The following OR51C1 variants were observed in gnomAD, a reference collection of about 807,000 sequenced individuals.
OR51C1 encodes the protein olfactory receptor family 51 subfamily C member 1.
At chr11:4,692,346 C>G in the OR51C1 span, among the ~76,000 whole-genome samples, 4 of 152,236 alleles carry the variant, frequency 2.6e-5, no homozygotes, top group Non-Finnish European at 5.9e-5. Flanking sequence ...GGTTAGAACA[C>G]AGACCTCCCA....
the OR51C1 span, chr11:4,690,738 A>C: frequency 5.2e-6 from 2 of 381,940 alleles, no homozygotes; most frequent in Non-Finnish European, 1.0e-5. Flanking sequence ...GGGTCCATCT[A>C]GTGCTAGAAT....
the OR51C1 span, chr11:4,691,558 A>G: frequency 3.3e-5 from 15 of 456,926 alleles, no homozygotes; most frequent in Non-Finnish European, 5.3e-5. Flanking sequence ...ATGGTAGCGA[A>G]GAGGATCAGG....
At chr11:4,693,137 G>A in the OR51C1 span, among the ~76,000 whole-genome samples, 1 of 152,160 alleles carries the variant, frequency 6.6e-6, no homozygotes, top group African/African-American at 2.4e-5. Flanking sequence ...ATAAATATTT[G>A]AGGTGATGGA....
chr11:4,696,295 C>T, the OR51C1 span, among the ~76,000 whole-genome samples: 1 of 152,152 alleles, frequency 6.6e-6, no homozygotes, highest in Non-Finnish European at 1.5e-5. Flanking sequence ...CCTCCTGCTT[C>T]ATTTATCAGC....
At chr11:4,695,913 G>A in the OR51C1 span, among the ~76,000 whole-genome samples, 1 of 151,766 alleles carries the variant, frequency 6.6e-6, no homozygotes, top group Non-Finnish European at 1.5e-5. Flanking sequence ...GAGATATCTT[G>A]GTTATTCTCA....
chr11:4,691,419 C>G, the OR51C1 span: 4 of 457,702 alleles, frequency 8.7e-6, no homozygotes, highest in Non-Finnish European at 1.8e-5. Context: ...GGCATTAAAG[C>G]TGATTTCCCT....
the OR51C1 span, among the ~76,000 whole-genome samples, chr11:4,692,539 T>C: frequency 6.6e-6 from 1 of 152,190 alleles, no homozygotes; most frequent in African/African-American, 2.4e-5. Context: ...GAGGGAAAAA[T>C]ATAACTTTAT....
At chr11:4,690,688 T>G in the OR51C1 span, 1 of 328,266 alleles carries the variant, frequency 3.0e-6, no homozygotes, top group Admixed American at 4.6e-5. Flanking sequence ...TTGTTTTTTG[T>G]TTTTAATTGG....
chr11:4,690,594 T>G, the OR51C1 span: 8 of 258,566 alleles, frequency 3.1e-5, no homozygotes, highest in Admixed American at 1.5e-4. Context: ...AATAAAGTAG[T>G]CAAACTAGCT....
chr11:4,691,263 C>G, the OR51C1 span: 1 of 456,992 alleles, frequency 2.2e-6, no homozygotes, highest in Non-Finnish European at 4.4e-6. Flanking sequence ...ACTTGCCACT[C>G]CAATTTGAGC....
the OR51C1 span, chr11:4,691,308 AG>A: frequency 2.2e-6 from 1 of 457,362 alleles, no homozygotes; most frequent in Non-Finnish European, 4.4e-6. Context: ...GGCATACCTA[AG>A]GGGATTAGAG....
the OR51C1 span, among the ~76,000 whole-genome samples, chr11:4,694,549 TATAC>T: frequency 7.4e-6 from 1 of 135,320 alleles, no homozygotes; most frequent in African/African-American, 2.6e-5. Flanking sequence ...CGTATATATA[TATAC>T]ACACACACAT....
chr11:4,693,988 C>T, the OR51C1 span, among the ~76,000 whole-genome samples: 9 of 152,090 alleles, frequency 5.9e-5, no homozygotes, highest in African/African-American at 2.2e-4. Flanking sequence ...TACAGAGGGG[C>T]TCCATTTATG....
the OR51C1 span, chr11:4,691,074 C>A: frequency 2.2e-6 from 1 of 456,742 alleles, no homozygotes; most frequent in Non-Finnish European, 4.4e-6. Flanking sequence ...TAAGTCTACA[C>A]CAACAGTAGA....
the OR51C1 span, chr11:4,691,106 T>A: frequency 2.2e-6 from 1 of 456,728 alleles, no homozygotes; most frequent in Admixed American, 2.3e-5. Context: ...TCAGCCCAAC[T>A]GCACTGTTGA....
At chr11:4,693,210 A>G in the OR51C1 span, among the ~76,000 whole-genome samples, 1 of 152,232 alleles carries the variant, frequency 6.6e-6, no homozygotes, top group Non-Finnish European at 1.5e-5. Flanking sequence ...ATCACATTTT[A>G]CCCCACAAAT....
chr11:4,694,617 C>T, the OR51C1 span, among the ~76,000 whole-genome samples: 1 of 150,818 alleles, frequency 6.6e-6, no homozygotes, highest in East Asian at 1.9e-4. Flanking sequence ...GGGAGCTGAG[C>T]TTGCTGTGTC....
chr11:4,692,660 T>C, the OR51C1 span, among the ~76,000 whole-genome samples: 3 of 152,078 alleles, frequency 2.0e-5, no homozygotes, highest in Admixed American at 2.0e-4. Context: ...ATTAGGGTTG[T>C]GGCTGCAGAG....
the OR51C1 span, chr11:4,690,905 A>C: frequency 2.2e-6 from 1 of 456,404 alleles, no homozygotes; most frequent in Non-Finnish European, 4.4e-6. Context: ...CTTGTTTCCC[A>C]AATCTGTGAA....
Sources: gnomAD v4.1 joint callset for allele counts (sites outside exome capture counted in the v4.1 genomes callset) on GRCh38, gnomAD v4.1.1 for gene constraint, MANE v1.5 for transcripts, NCBI Gene and HGNC (gene_info 2026-07-23, HGNC 2026-07-21) for gene names.